Variants in PCDH7 observed in about 807,000 individuals in gnomAD.
The protein encoded by PCDH7 is protocadherin-7.
A neutral mutation model predicts 58.9 loss-of-function variants in PCDH7; 17 were observed. The ratio of observed to expected loss-of-function variants is 0.29; its 90% CI spans 0.20 to 0.43. The LOEUF is 0.43. Among genes scored for constraint, PCDH7 ranks in the 20% least tolerant of loss-of-function variants. The pLI is 1.00. For synonymous variants in PCDH7, 664 were observed against 616.4 expected, an observed-to-expected ratio of 1.08 and a Z score of -1.14; for missense variants, 1,274 against 1,441.0, an observed-to-expected ratio of 0.88 and a Z score of 1.88.
At chr4:30,753,963 G>A (rs1393561702) in intron 1 of PCDH7, among the ~76,000 whole-genome samples, 3 of 152,060 alleles carry the variant, frequency 2.0e-5, no homozygotes, top group African/African-American at 7.2e-5. Flanking sequence ...TTATAGATAA[G>A]TGTTACTGAT....
At chr4:30,824,364 G>C (rs1305475818) in intron 1 of PCDH7, among the ~76,000 whole-genome samples, 1 of 151,892 alleles carries the variant, frequency 6.6e-6, no homozygotes, top group East Asian at 1.9e-4. Flanking sequence ...CAGATTTGTA[G>C]TTGTAATATT....
chr4:30,951,342 G>C (rs996473856), intron 3 of PCDH7, among the ~76,000 whole-genome samples: 2 of 152,152 alleles, frequency 1.3e-5, no homozygotes, highest in Non-Finnish European at 2.9e-5. Flanking sequence ...AAAGGGAATG[G>C]ATGTTAGTCT....
At chr4:30,910,060 A>G (rs1046636940) in intron 1 of PCDH7, among the ~76,000 whole-genome samples, 1 of 152,172 alleles carries the variant, frequency 6.6e-6, no homozygotes, top group Non-Finnish European at 1.5e-5. Context: ...AGCCTGACAA[A>G]AACAAGCAAT....
chr4:31,121,831 G>T (rs1366401404), intron 3 of PCDH7, among the ~76,000 whole-genome samples: 1 of 151,700 alleles, frequency 6.6e-6, no homozygotes. Context: ...TTTGTAGGAA[G>T]AAAAAAAATA....
chr4:30,856,788 C>T (rs1363045524), intron 1 of PCDH7, among the ~76,000 whole-genome samples: 1 of 151,060 alleles, frequency 6.6e-6, no homozygotes, highest in African/African-American at 2.4e-5. Flanking sequence ...CAGAGGTGTA[C>T]ATATATGCAA....
At chr4:30,851,560 G>A (rs1367249109) in intron 1 of PCDH7, among the ~76,000 whole-genome samples, 2 of 151,892 alleles carry the variant, frequency 1.3e-5, no homozygotes, top group Non-Finnish European at 2.9e-5. Flanking sequence ...CTAAATGGTT[G>A]GACAAACTAT....
rs140379469 is a variant in PCDH7, at chr4:31,079,454, T to C, written c.*8-63019T>C. ...CACATGAAAAGTTGCTCGATATCTC[T>C]AGTAACCAAGAAAGGTTGATTGGAG... is the stretch of plus-strand genomic sequence containing the variant. On this transcript the variant is annotated intron_variant, in intron 3 of 3. Coordinates refer to the PCDH7 transcript ENST00000509759. Among the ~76,000 whole-genome samples, 33 of 149,870 alleles carry C rather than the reference T, an allele frequency of 2.2e-4. No homozygotes were observed. The East Asian group carries it at 6.1e-3, about 28-fold the overall frequency.
intron 3 of PCDH7, among the ~76,000 whole-genome samples, chr4:31,086,348 C>T (rs1262981039): frequency 6.6e-6 from 1 of 152,126 alleles, no homozygotes; most frequent in Non-Finnish European, 1.5e-5. Flanking sequence ...CGATGATGTC[C>T]CGCAGTTATT....
chr4:30,872,480 A>C (rs559181051), intron 1 of PCDH7, among the ~76,000 whole-genome samples: 64 of 152,104 alleles, frequency 4.2e-4, no homozygotes, highest in Non-Finnish European at 6.2e-4. Context: ...GGGCTGTGGT[A>C]TTTTCAGCCC....
chr4:31,094,122 G>A (rs912350440), intron 3 of PCDH7, among the ~76,000 whole-genome samples: 2 of 152,184 alleles, frequency 1.3e-5, no homozygotes, highest in South Asian at 2.1e-4. Flanking sequence ...AAAATTGAGT[G>A]AAATAAAATA....
At chr4:31,126,279 C>T (rs544551087) in intron 3 of PCDH7, among the ~76,000 whole-genome samples, 2 of 151,944 alleles carry the variant, frequency 1.3e-5, no homozygotes, top group Non-Finnish European at 2.9e-5. Flanking sequence ...CCTCAGCCTC[C>T]TGTGTAGCTA....
chr4:31,118,887 A>T (rs899846136), intron 3 of PCDH7, among the ~76,000 whole-genome samples: 1 of 152,156 alleles, frequency 6.6e-6, no homozygotes, highest in Non-Finnish European at 1.5e-5. Flanking sequence ...AAAAGAGAAA[A>T]TCGTAAACCT....
intron 3 of PCDH7, among the ~76,000 whole-genome samples, chr4:31,116,746 A>G (rs1203164609): frequency 6.6e-6 from 1 of 152,244 alleles, no homozygotes; most frequent in Non-Finnish European, 1.5e-5. Context: ...GAGTGTCAAT[A>G]GTAAGTGTGT....
intron 3 of PCDH7, among the ~76,000 whole-genome samples, chr4:30,967,908 G>A (rs1363417549): frequency 6.6e-6 from 1 of 152,040 alleles, no homozygotes; most frequent in Non-Finnish European, 1.5e-5. Context: ...TTCTAGCAGA[G>A]CTGATATCAT....
chr4:30,953,084 G>A (rs1246955269), intron 3 of PCDH7, among the ~76,000 whole-genome samples: 2 of 152,024 alleles, frequency 1.3e-5, no homozygotes, highest in Non-Finnish European at 2.9e-5. Context: ...AACAAATCCC[G>A]TCTTAGATTG....
chr4:30,721,984 G>GGCGGCGGCA lies in PCDH7; in HGVS notation c.571_579dup (p.Ser191_Gly193dup), dbSNP rs1273129055. On this transcript the variant is annotated inframe_insertion, in exon 1 of 2. Coordinates refer to ENST00000361762, the Ensembl canonical transcript of PCDH7. The surrounding 1 kb of genome is among the most constrained non-coding windows in gnomAD (Gnocchi z 6.7). Reference sequence around the variant, plus strand: ...CTACGAGCTGCTCCAGGAGCCCGGAGGCGGCGGCAGCGGCGGCGAGAGCCG... The same window carrying GGCGGCGGCA: ...CTACGAGCTGCTCCAGGAGCCCGGAGGCGGCGGCAGCGGCGGCAGCGGCGGCGAGAGCCG... 4.5e-6 allele frequency: 6 copies of GGCGGCGGCA among 1,324,228 alleles called. No homozygotes were observed. Among genetic ancestry groups the GGCGGCGGCA allele is most frequent in the East Asian group, 3.1e-5 (1 of 32,420 alleles). The allele number at this position is 1,324,228 out of a possible 1,614,324, so 82.0% of individuals were successfully genotyped here. A position where few individuals can be genotyped will look rare whatever the true frequency, so the allele number is the denominator to read the frequency against.
At chr4:30,900,841 A>C (rs1740116641) in intron 1 of PCDH7, among the ~76,000 whole-genome samples, 1 of 152,086 alleles carries the variant, frequency 6.6e-6, no homozygotes, top group East Asian at 1.9e-4. Context: ...CAGGAATGGC[A>C]CTCTATATTT....
intron 1 of PCDH7, among the ~76,000 whole-genome samples, chr4:30,903,773 C>A (rs924039212): frequency 3.9e-5 from 6 of 152,072 alleles, no homozygotes; most frequent in Non-Finnish European, 8.8e-5. Context: ...AAAGAGAGAA[C>A]CAAAATGTAA....
At chr4:30,920,842 A>G (rs922475429) in intron 2 of PCDH7, among the ~76,000 whole-genome samples, 2 of 152,312 alleles carry the variant, frequency 1.3e-5, no homozygotes, top group South Asian at 2.1e-4. Flanking sequence ...CTCCTTTCCT[A>G]TGATCACTGA....
Sources: allele counts gnomAD v4.1 joint callset (sites outside exome capture counted in the v4.1 genomes callset), GRCh38; gene constraint gnomAD v4.1.1; non-coding constraint Gnocchi (gnomAD v3.1); transcripts MANE v1.5; gene names NCBI Gene and HGNC (gene_info 2026-07-23, HGNC 2026-07-21).